LRRC41: variants seen among roughly 807,000 people sequenced by gnomAD.
LRRC41 encodes leucine rich repeat containing 41, also known as leucine-rich repeat-containing protein 41.
In LRRC41, 17 loss-of-function variants were observed where a neutral mutation model predicts 72.1. That is an observed-to-expected ratio of 0.24 (90% CI 0.16 to 0.35). The LOEUF is 0.35. LRRC41 is among the 10% of genes least tolerant of loss of function. The probability of loss-of-function intolerance (pLI) is 1.00; values close to 1 mark genes in which losing one functional copy is unlikely to be tolerated. For synonymous variants in LRRC41, 427 were observed against 431.0 expected (o/e 0.99, Z 0.11); for missense variants, 759 against 1,065.0 (o/e 0.71, Z 4.00).
intron 1 of LRRC41, chr1:46,300,436 T>G (rs188059882): frequency 6.6e-6 from 1 of 152,340 alleles, no homozygotes; most frequent in East Asian, 1.9e-4. Flanking sequence ...CATCCAAGAA[T>G]CTAGTATAAT....
At position 46,303,299 on chromosome 1, in the gene LRRC41, G is replaced by A; in HGVS notation, c.24C>T (p.Arg8=). The A allele has an allele frequency of 6.5e-7, 1 of 1,535,692 alleles. No homozygotes were observed. The highest frequency in any genetic ancestry group is 8.8e-7 in the Non-Finnish European group (1 of 1,142,086). Residue 8 remains arginine (R), a synonymous_variant, in exon 1 of 10, where the codon CGC becomes CGT. Transcript: ENST00000617190. ...CCTCACAGAACCAGCAACTCCGGGCGCGCCAGGCCTCGGGCGCCGCCATCT... is the reference window on the plus strand; with the variant it reads ...CCTCACAGAACCAGCAACTCCGGGCACGCCAGGCCTCGGGCGCCGCCATCT... MAAPEAW[R]ARSCWFCEVA...
rs75873161 is a variant in LRRC41, at chr1:46,286,452, A to G, written c.405T>C (p.His135=). 685 of 1,606,934 alleles carry G rather than the reference A, an allele frequency of 4.3e-4. 7 individuals are homozygous for G. The East Asian group carries it at 0.011, about 27-fold the overall frequency. The part of the protein sequence containing the change: ...RAKFMEAFFS[H]VLRGTIDVSS... ...ACACATCAATGGTCCCACGTAGAAC[A>G]TGGGAAAAAAAGGCCTCCATAAACT... The change falls in exon 4 of 10, where the codon CAT becomes CAC. Residue 135 remains histidine (H), a synonymous_variant. Coordinates refer to ENST00000617190, the MANE Select transcript of LRRC41 (RefSeq NM_006369.5). This position sits in a 1 kb window ranked among gnomAD's most constrained non-coding sequence, Gnocchi z 5.5.
At position 46,290,931 on chromosome 1, in the gene LRRC41, T is replaced by TTG. The variant is rs1251643252; in HGVS notation, c.358-4433_358-4432insCA. 4.8e-5 allele frequency among the ~76,000 whole-genome samples: 7 copies of TTG among 145,492 alleles called. No homozygotes were observed. In the South Asian group the frequency reaches 6.6e-4, roughly 14 times the overall value. ...CCTGTTTCTAGTTTTTTTTTTTTTTTTTTTTTTTTTTTTAAGACATTCCTG... is the reference window on the plus strand; with the variant it reads ...CCTGTTTCTAGTTTTTTTTTTTTTTTTGTTTTTTTTTTTTTAAGACATTCCTG... On this transcript the variant is annotated intron_variant, in intron 3 of 9. Transcript: ENST00000617190.
At chr1:46,280,648 T>A (rs1202060009) in intron 5 of LRRC41, 88 bp from the exon 6 acceptor site, 52 of 1,341,214 alleles carry the variant, frequency 3.9e-5, no homozygotes, top group Non-Finnish European at 4.5e-5. Context: ...GGGATTCATC[T>A]AAAAAATTAT....
At position 46,279,580 on chromosome 1, in the gene LRRC41, C is replaced by A. The variant is rs752436928; in HGVS notation, c.2055G>T (p.Lys685Asn). Residue 685 changes from lysine (K) to asparagine (N), a missense_variant, in exon 8 of 10, where the codon AAG (lysine) becomes AAT (asparagine). This residue lies in a region of LRRC41 where 110 missense variants were observed against 227.0 expected (regional missense o/e 0.48). Transcript: ENST00000617190. The surrounding 1 kb of genome is among the most constrained non-coding windows in gnomAD (Gnocchi z 4.5). ...TCTCAGGCAGAAATTGGGCTGGGCG[C>A]TTCTCAAACAGACGGCAGAAGGAGA... ...ITFSFCRLFE[K>N]RPAQFLPEMV... The A allele has an allele frequency of 1.9e-6, 3 of 1,614,204 alleles. No individual in the cohort carries two copies. In the East Asian group the frequency reaches 6.7e-5, roughly 36 times the overall value.
rs1256556537 is a variant in LRRC41, at chr1:46,279,197, C to CA, written c.2203dup (p.Cys735LeufsTer62). ...CCTCATGTACCTGATGTCCAGCTGA[C>CA]AGAGAGAGGAGGATGAATCCTCTGA... On this transcript the variant is annotated frameshift_variant, in exon 9 of 10. Coordinates refer to ENST00000617190, the MANE Select transcript of LRRC41 (RefSeq NM_006369.5). LOFTEE classifies it high-confidence loss of function. The surrounding 1 kb of genome is among the most constrained non-coding windows in gnomAD (Gnocchi z 4.5). 2 of 1,613,998 alleles carry CA rather than the reference C, an allele frequency of 1.2e-6. No individual in the cohort carries two copies. Among genetic ancestry groups the CA allele is most frequent in the Non-Finnish European group, 1.7e-6 (2 of 1,180,002 alleles).
chr1:46,297,785 A>T, intron 2 of LRRC41, 152 bp from the exon 3 acceptor site: 1 of 601,650 alleles, frequency 1.7e-6, no homozygotes, highest in Non-Finnish European at 3.0e-6. Context: ...TGTGAATATC[A>T]GCAAACTACA....
chr1:46,303,407 T>G lies in LRRC41; in HGVS notation c.-85A>C. ...GCAGTTAGGACGGCTCCATAAGCGATATGGGGAAGAATGTGAATTATTCTA... is the reference window on the plus strand; with the variant it reads ...GCAGTTAGGACGGCTCCATAAGCGAGATGGGGAAGAATGTGAATTATTCTA... On this transcript the variant is annotated 5_prime_UTR_variant, in exon 1 of 10. Coordinates refer to ENST00000617190, the MANE Select transcript of LRRC41 (RefSeq NM_006369.5). The G allele has an allele frequency of 1.6e-6, 2 of 1,225,402 alleles. No homozygotes were observed. Among genetic ancestry groups the G allele is most frequent in the Non-Finnish European group, 2.2e-6 (2 of 909,896 alleles). The allele number at this position is 1,225,402 out of a possible 1,614,324, so 75.9% of individuals were successfully genotyped here. A position where few individuals can be genotyped will look rare whatever the true frequency, so the allele number is the denominator to read the frequency against.
At position 46,277,702 on chromosome 1, in the gene LRRC41, A is replaced by G; in HGVS notation, c.*1163T>C. The stretch of plus-strand genomic sequence containing the variant: ...TAATGTTCTGGGACTCATACTTTTT[A>G]TTCATCTCCTCTTCTCGGGTAGCTG... On this transcript the variant is annotated 3_prime_UTR_variant, in exon 10 of 10. Transcript: ENST00000617190. 1 of 1,213,622 alleles carries G rather than the reference A, an allele frequency of 8.2e-7. No individual in the cohort carries two copies. The highest frequency in any genetic ancestry group is 1.2e-6 in the Non-Finnish European group (1 of 833,764). The allele number at this position is 1,213,622 out of a possible 1,614,324, so 75.2% of individuals were successfully genotyped here. A position where few individuals can be genotyped will look rare whatever the true frequency, so the allele number is the denominator to read the frequency against.
At position 46,302,185 on chromosome 1, in the gene LRRC41, G is replaced by A. The variant is rs1661248712; in HGVS notation, c.199+939C>T. ...GGCCGCCTTCAGGCCTGGGGCCCCC[G>A]TTCACTCCCATTCAGCCCAAGGCCT... On this transcript the variant is annotated intron_variant, in intron 1 of 9. Coordinates refer to ENST00000617190, the MANE Select transcript of LRRC41 (RefSeq NM_006369.5). The surrounding 1 kb of genome is among the most constrained non-coding windows in gnomAD (Gnocchi z 4.7). 6.1e-6 allele frequency: 6 copies of A among 985,166 alleles called. No homozygotes were observed. Among genetic ancestry groups the A allele is most frequent in the Non-Finnish European group, 7.2e-6 (6 of 829,844 alleles). The allele number at this position is 985,166 out of a possible 1,614,324, so 61.0% of individuals were successfully genotyped here.
intron 5 of LRRC41, among the ~76,000 whole-genome samples, 162 bp from the exon 6 acceptor site, chr1:46,280,722 G>A (rs1660755819): frequency 6.6e-6 from 1 of 152,198 alleles, no homozygotes; most frequent in African/African-American, 2.4e-5. Context: ...TCTAGGAATT[G>A]AGCACTAAAT....
intron 3 of LRRC41, among the ~76,000 whole-genome samples, chr1:46,289,779 A>G (rs1284003867): frequency 6.6e-6 from 1 of 152,128 alleles, no homozygotes; most frequent in Admixed American, 6.5e-5. Context: ...AAAGGAGTCT[A>G]TGCTAAAATT....
chr1:46,287,132 G>A (rs946851306), intron 3 of LRRC41, among the ~76,000 whole-genome samples: 1 of 147,232 alleles, frequency 6.8e-6, no homozygotes, highest in African/African-American at 2.5e-5. Context: ...TTTTTTAGAC[G>A]GAGTCTCACT....
chr1:46,290,927 T>TTG (rs1437231231), intron 3 of LRRC41, among the ~76,000 whole-genome samples: 1 of 145,220 alleles, frequency 6.9e-6, no homozygotes, highest in Non-Finnish European at 1.5e-5. Context: ...TTTTTTTTTT[T>TTG]TTTTTTTTTT....
In LRRC41 at chr1:46,303,285, C is replaced by A. The variant is rs1416432842; in HGVS notation, c.38G>T (p.Trp13Leu). Residue 13 changes from tryptophan (W) to leucine (L), a missense_variant, in exon 1 of 10, where the codon TGG (tryptophan) becomes TTG (leucine). Coordinates refer to ENST00000617190, the MANE Select transcript of LRRC41 (RefSeq NM_006369.5). ...CGTTGCCGCCGCTACCTCACAGAACCAGCAACTCCGGGCGCGCCAGGCCTC... is the reference window on the plus strand; with the variant it reads ...CGTTGCCGCCGCTACCTCACAGAACAAGCAACTCCGGGCGCGCCAGGCCTC... ...APEAWRARSC[W>L]FCEVAAATTM... 6.5e-7 allele frequency: 1 copy of A among 1,542,246 alleles called. No individual in the cohort carries two copies. Among genetic ancestry groups the A allele is most frequent in the Non-Finnish European group, 8.7e-7 (1 of 1,144,784 alleles).
chr1:46,301,995 C>T (rs1661241450), intron 1 of LRRC41: 1 of 985,288 alleles, frequency 1.0e-6, no homozygotes, highest in East Asian at 1.1e-4. Context: ...CCCTCTTTCA[C>T]TTGCCCCACG....
chr1:46,282,150 G>A (rs1346112091), intron 4 of LRRC41, among the ~76,000 whole-genome samples: 1 of 152,138 alleles, frequency 6.6e-6, no homozygotes, highest in Non-Finnish European at 1.5e-5. Context: ...GCTACATGAG[G>A]CTCAGGAAAC....
rs934057755 is a variant in LRRC41 at position 46,302,890 on chromosome 1, C to G, written c.199+234G>C. 3.1e-5 allele frequency: 31 copies of G among 985,290 alleles called. No homozygotes were observed. The highest frequency in any genetic ancestry group is 3.5e-5 in the Non-Finnish European group (29 of 829,920). 61.0% of individuals were successfully genotyped at this position (985,290 alleles called of 1,614,324 possible). ...CTCCAGACCGGGCCTCCTGGCCTCGCCCCCCGCGCCCCCGAGCCAGGCCGC... is the reference window on the plus strand; with the variant it reads ...CTCCAGACCGGGCCTCCTGGCCTCGGCCCCCGCGCCCCCGAGCCAGGCCGC... On this transcript the variant is annotated intron_variant, in intron 1 of 9. Transcript: ENST00000617190. This position sits in a 1 kb window ranked among gnomAD's most constrained non-coding sequence, Gnocchi z 4.7.
intron 3 of LRRC41, among the ~76,000 whole-genome samples, chr1:46,294,592 C>CTTTTTTTTT (rs60249294): frequency 3.7e-5 from 4 of 108,314 alleles, no homozygotes; most frequent in Non-Finnish European, 5.5e-5. Flanking sequence ...ACAACTAATT[C>CTTTTTTTTT]TTTTTTTTTT....
Sources: gnomAD v4.1 joint callset for allele counts (sites outside exome capture counted in the v4.1 genomes callset) on GRCh38, gnomAD v4.1.1 for gene constraint, gnomAD v4.1.1 regional missense constraint, Gnocchi (gnomAD v3.1) non-coding constraint, MANE v1.5 for transcripts, NCBI Gene and HGNC (gene_info 2026-07-23, HGNC 2026-07-21) for gene names.